HAAO: variants seen among roughly 807,000 people sequenced by gnomAD.
HAAO encodes 3-hydroxyanthranilate oxygenase.
In HAAO, 49 loss-of-function variants were observed where a neutral mutation model predicts 46.2. The observed-to-expected ratio is 1.06, with a 90% confidence interval of 0.84 to 1.34. HAAO has a LOEUF of 1.34. Among genes scored for constraint, HAAO ranks in the 40% most tolerant of loss-of-function variants. HAAO has a pLI of 0.00. For synonymous variants in HAAO, 157 were observed against 145.2 expected (o/e 1.08, Z -0.58); for missense variants, 408 against 364.5 (o/e 1.12, Z -0.97).
intron 4 of HAAO, among the ~76,000 whole-genome samples, chr2:42,775,476 T>A (rs1214345782): frequency 6.6e-6 from 1 of 152,122 alleles, no homozygotes; most frequent in Non-Finnish European, 1.5e-5. Context: ...AAAGATTTTT[T>A]TAAAGGAGCT....
intron 4 of HAAO, among the ~76,000 whole-genome samples, chr2:42,781,078 A>C (rs550235940): frequency 2.6e-5 from 4 of 152,116 alleles, no homozygotes; most frequent in African/African-American, 9.6e-5. Flanking sequence ...CTCTGTCTCA[A>C]AAAAAAACAC....
At chr2:42,775,545 TG>T (rs1387464501) in intron 4 of HAAO, among the ~76,000 whole-genome samples, 3 of 152,132 alleles carry the variant, frequency 2.0e-5, no homozygotes, top group African/African-American at 7.2e-5. Context: ...TGTGTGTGTG[TG>T]TATTTAACTT....
intron 4 of HAAO, among the ~76,000 whole-genome samples, chr2:42,782,428 C>T (rs1672069377): frequency 6.6e-6 from 1 of 152,172 alleles, no homozygotes; most frequent in African/African-American, 2.4e-5. Flanking sequence ...TAAAACTGAA[C>T]TTCCCTAATA....
In HAAO at chr2:42,769,983, C is replaced by G. The variant is rs956198426; in HGVS notation, c.485-125G>C. ...CAGGCTCTGTATCCAGCTCAATGAT[C>G]AAGCAGCCATGTGGGAGGTACCATT... On this transcript the variant is annotated intron_variant, in intron 6 of 9. Transcript: ENST00000294973. 2.5e-6 allele frequency: 3 copies of G among 1,206,392 alleles called. No individual in the cohort carries two copies. In the African/African-American group the frequency reaches 4.6e-5, roughly 18 times the overall value. The allele number at this position is 1,206,392 out of a possible 1,614,324, so 74.7% of individuals were successfully genotyped here. A position where few individuals can be genotyped will look rare whatever the true frequency, so the allele number is the denominator to read the frequency against.
At chr2:42,787,872 A>G (rs1222174583) in intron 2 of HAAO, among the ~76,000 whole-genome samples, 8 of 152,114 alleles carry the variant, frequency 5.3e-5, no homozygotes, top group Non-Finnish European at 7.4e-5. Flanking sequence ...ATTTTGGGGT[A>G]GGTAGTAGAG....
At chr2:42,782,501 G>A (rs559020339) in intron 4 of HAAO, among the ~76,000 whole-genome samples, 2 of 152,194 alleles carry the variant, frequency 1.3e-5, no homozygotes, top group Admixed American at 6.5e-5. Flanking sequence ...CAAAACCTGG[G>A]ACCAGAGACT....
chr2:42,771,202 C>A (rs1671083084), intron 4 of HAAO, among the ~76,000 whole-genome samples: 1 of 148,698 alleles, frequency 6.7e-6, no homozygotes, highest in Admixed American at 6.9e-5. Context: ...CATGGTGAAA[C>A]CCTGTCTCTA....
chr2:42,771,242 C>T (rs1028623739), intron 4 of HAAO, among the ~76,000 whole-genome samples: 5 of 150,330 alleles, frequency 3.3e-5, no homozygotes, highest in African/African-American at 1.2e-4. Context: ...TAAATAAATA[C>T]AAAAAATAGC....
Position 42,783,274 on chromosome 2 carries a change from T to C in HAAO, c.350+40A>G, listed in dbSNP as rs536845841. On this transcript the variant is annotated intron_variant, in intron 4 of 9. Coordinates refer to ENST00000294973, the MANE Select transcript of HAAO (RefSeq NM_012205.3). Reference sequence around the variant, plus strand: ...AGTTTGGAGCTGTGCTCCTCTGCTGTTTGCCCTTTCTCTGCCCCAGCCCTC... The same window carrying C: ...AGTTTGGAGCTGTGCTCCTCTGCTGCTTGCCCTTTCTCTGCCCCAGCCCTC... 2.3e-4 allele frequency: 280 copies of C among 1,214,728 alleles called. 8 individuals carry two copies. Among genetic ancestry groups the C allele is most frequent in the South Asian group, 9.3e-4 (74 of 79,606 alleles). The allele number at this position is 1,214,728 out of a possible 1,614,324, so 75.2% of individuals were successfully genotyped here.
chr2:42,770,412 G>C, intron 5 of HAAO, 81 bp downstream of exon 5: 1 of 1,106,148 alleles, frequency 9.0e-7, no homozygotes, highest in Non-Finnish European at 1.3e-6. Flanking sequence ...CACCCTGGGA[G>C]GGGAGACTTT....
chr2:42,788,141 C>T (rs1015924071), intron 2 of HAAO, among the ~76,000 whole-genome samples: 3 of 152,166 alleles, frequency 2.0e-5, no homozygotes, highest in African/African-American at 7.2e-5. Context: ...GCACTTTGCC[C>T]CCGTCTGCGG....
intron 4 of HAAO, among the ~76,000 whole-genome samples, chr2:42,777,315 AAAAAAAAAG>A: frequency 6.6e-6 from 1 of 150,724 alleles, no homozygotes; most frequent in African/African-American, 2.4e-5. Flanking sequence ...AAAAAAAAAA[AAAAAAAAAG>A]AAGAAAGAAA....
intron 4 of HAAO, among the ~76,000 whole-genome samples, chr2:42,780,255 T>C (rs1671887961): frequency 6.7e-6 from 1 of 149,746 alleles, no homozygotes; most frequent in African/African-American, 2.5e-5. Flanking sequence ...GTTGCCAGGC[T>C]GGAGTGCAGC....
In HAAO at chr2:42,779,982, T is replaced by A. The variant is rs533827548; in HGVS notation, c.350+3332A>T. On this transcript the variant is annotated intron_variant, in intron 4 of 9. Transcript: ENST00000294973. The stretch of plus-strand genomic sequence containing the variant: ...ATATTATTGGTATGTATTCCAAAAT[T>A]ATGGGAAACTCCTATAATCCTGATA... Among the ~76,000 whole-genome samples, 103 of 152,252 alleles carry A rather than the reference T, an allele frequency of 6.8e-4. 1 individual carries two copies. The highest frequency in any genetic ancestry group is 6.8e-3 in the Middle Eastern group (2 of 294).
At chr2:42,772,415 A>G (rs1671203855) in intron 4 of HAAO, among the ~76,000 whole-genome samples, 1 of 150,692 alleles carries the variant, frequency 6.6e-6, no homozygotes, top group Non-Finnish European at 1.5e-5. Flanking sequence ...CGGGAGGCAG[A>G]GGTTGCAGTG....
At chr2:42,776,028 T>G (rs1349823933) in intron 4 of HAAO, among the ~76,000 whole-genome samples, 1 of 151,864 alleles carries the variant, frequency 6.6e-6, no homozygotes, top group African/African-American at 2.4e-5. Flanking sequence ...AAAAAAAACT[T>G]TTTTTAAAGT....
At chr2:42,783,087 G>A (rs1672130762) in intron 4 of HAAO, 3 of 573,704 alleles carry the variant, frequency 5.2e-6, no homozygotes, top group African/African-American at 1.9e-5. Context: ...ATCAGGCTGA[G>A]TGAGCTTCCA....
chr2:42,770,917 G>A (rs1013680997), intron 4 of HAAO, among the ~76,000 whole-genome samples: 4 of 152,238 alleles, frequency 2.6e-5, no homozygotes, highest in African/African-American at 9.6e-5. Context: ...CCTGTAAGTG[G>A]CGGAAGCAGG....
intron 7 of HAAO, among the ~76,000 whole-genome samples, chr2:42,768,968 G>C (rs982705231): frequency 6.6e-6 from 1 of 152,086 alleles, no homozygotes; most frequent in African/African-American, 2.4e-5. Context: ...CCCTCACCTA[G>C]AATGCTCTCT....
Sources: allele counts gnomAD v4.1 joint callset (sites outside exome capture counted in the v4.1 genomes callset), GRCh38; gene constraint gnomAD v4.1.1; transcripts MANE v1.5; gene names NCBI Gene and HGNC (gene_info 2026-07-23, HGNC 2026-07-21).